The following ESRRG variants were observed in gnomAD, a reference collection of about 807,000 sequenced individuals.
The protein encoded by ESRRG is estrogen-related receptor gamma.
Under a neutral mutation model 44.0 loss-of-function variants are expected in ESRRG, and 13 were observed. The observed-to-expected ratio is 0.30, with a 90% CI of 0.19 to 0.47. The LOEUF (loss-of-function observed/expected upper bound fraction) is 0.47, where lower values mean the gene tolerates loss of function less well. Among genes scored for constraint, ESRRG ranks in the 20% least tolerant of loss-of-function variants. The pLI is 1.00. For missense variants in ESRRG, 395 were observed against 580.6 expected (o/e 0.68, Z 3.29); for synonymous variants, 215 against 214.6 (o/e 1.00, Z -0.02).
At chr1:216,603,156 C>A (rs1410279892) in intron 3 of ESRRG, among the ~76,000 whole-genome samples, 1 of 152,120 alleles carries the variant, frequency 6.6e-6, no homozygotes, top group Non-Finnish European at 1.5e-5. Context: ...ATTAAAGATG[C>A]TGAAATGACA....
intron 2 of ESRRG, among the ~76,000 whole-genome samples, chr1:216,939,364 A>AAAAAAAAAAAAAAAAAAAAAAAAAAAAAC (rs1553720877): frequency 7.5e-6 from 1 of 133,730 alleles, no homozygotes; most frequent in African/African-American, 3.1e-5. Flanking sequence ...AAAAAAAAAA[A>AAAAAAAAAAAAAAAAAAAAAAAAAAAAAC]AAAAAACACT....
rs11572408 is a variant in ESRRG at position 217,055,957 on chromosome 1, C to T, written c.-106+33550G>A. On this transcript the variant is annotated intron_variant, in intron 1 of 7. Coordinates refer to the ESRRG transcript ENST00000359162. ...AGATCCTAGGCTCACCAAACTGTAT[C>T]TCCTTTTCTCCTTGGGTACACAGCT... Among the ~76,000 whole-genome samples, 575 of 152,258 alleles carry T rather than the reference C, an allele frequency of 3.8e-3. 2 individuals carry two copies. Among genetic ancestry groups the T allele is most frequent in the Non-Finnish European group, 5.8e-3 (394 of 68,020 alleles).
At chr1:216,560,834 C>T (rs374517473) in intron 5 of ESRRG, among the ~76,000 whole-genome samples, 6 of 152,066 alleles carry the variant, frequency 3.9e-5, no homozygotes, top group African/African-American at 9.6e-5. Context: ...TATCCGAGCG[C>T]GGACGAAATT....
intron 2 of ESRRG, among the ~76,000 whole-genome samples, chr1:216,797,883 A>T (rs989235628): frequency 6.6e-6 from 1 of 152,084 alleles, no homozygotes; most frequent in Non-Finnish European, 1.5e-5. Flanking sequence ...TATAGCTCAC[A>T]CTTAGGGACT....
chr1:216,841,257 A>G (rs559201754), intron 2 of ESRRG, among the ~76,000 whole-genome samples: 1 of 152,074 alleles, frequency 6.6e-6, no homozygotes, highest in South Asian at 2.1e-4. Flanking sequence ...AGAGAGAAAC[A>G]CGCACACTCA....
chr1:216,559,160 G>A (rs556967679), intron 5 of ESRRG, among the ~76,000 whole-genome samples: 3 of 151,934 alleles, frequency 2.0e-5, no homozygotes, highest in Non-Finnish European at 2.9e-5. Context: ...GTGATCCACC[G>A]CACCCATTCC....
chr1:216,751,774 A>C (rs2092032656), intron 2 of ESRRG, among the ~76,000 whole-genome samples: 1 of 152,142 alleles, frequency 6.6e-6, no homozygotes, highest in African/African-American at 2.4e-5. Flanking sequence ...ATTGGTGATA[A>C]CCTTTCTTGT....
At chr1:216,715,548 T>G (rs1366514676) in intron 1 of ESRRG, among the ~76,000 whole-genome samples, 4 of 152,262 alleles carry the variant, frequency 2.6e-5, no homozygotes, top group South Asian at 2.1e-4. Context: ...CTAGGATAAT[T>G]TGGAATTATG....
chr1:216,806,706 T>C (rs1350221281), intron 2 of ESRRG, among the ~76,000 whole-genome samples: 1 of 152,128 alleles, frequency 6.6e-6, no homozygotes, highest in African/African-American at 2.4e-5. Flanking sequence ...AACTCGAATG[T>C]AAGAAATACT....
At chr1:216,812,039 C>T (rs1048327015) in intron 2 of ESRRG, among the ~76,000 whole-genome samples, 1 of 152,140 alleles carries the variant, frequency 6.6e-6, no homozygotes, top group African/African-American at 2.4e-5. Context: ...AGAGGTAATA[C>T]TGTTTATCCA....
At chr1:217,059,934 G>T (rs2087980223) in intron 1 of ESRRG, among the ~76,000 whole-genome samples, 1 of 151,978 alleles carries the variant, frequency 6.6e-6, no homozygotes, top group Admixed American at 6.6e-5. Flanking sequence ...GAGTGTTTGA[G>T]GATGCACACT....
At chr1:216,541,317 A>C (rs868098661) in intron 5 of ESRRG, among the ~76,000 whole-genome samples, 1 of 152,082 alleles carries the variant, frequency 6.6e-6, no homozygotes, top group Non-Finnish European at 1.5e-5. Flanking sequence ...AAAAGAGATC[A>C]TATCAATTTG....
chr1:217,119,006 G>GATAT (rs200773292), intron 1 of ESRRG, among the ~76,000 whole-genome samples: 283 of 21,034 alleles, frequency 0.013, 2 homozygotes, highest in African/African-American at 0.031. Flanking sequence ...AAACTAGATG[G>GATAT]ATAGATAGAT....
intron 3 of ESRRG, among the ~76,000 whole-genome samples, chr1:216,625,133 C>A (rs2150553706): frequency 6.6e-6 from 1 of 152,190 alleles, no homozygotes; most frequent in Non-Finnish European, 1.5e-5. Context: ...CCTCTTTTAG[C>A]CCAATTATGA....
intron 3 of ESRRG, among the ~76,000 whole-genome samples, chr1:216,627,099 A>G (rs925295844): frequency 2.8e-4 from 43 of 152,326 alleles, no homozygotes; most frequent in African/African-American, 1.0e-3. Flanking sequence ...ACTGGAAGAA[A>G]TGTTACATAT....
chr1:216,511,671 G>A (rs949231127), intron 6 of ESRRG, among the ~76,000 whole-genome samples: 3 of 152,140 alleles, frequency 2.0e-5, no homozygotes, highest in Non-Finnish European at 2.9e-5. Context: ...AAGGCACCTT[G>A]AGTGCCCAGG....
intron 5 of ESRRG, among the ~76,000 whole-genome samples, chr1:216,547,561 C>T (rs2054936000): frequency 1.3e-5 from 2 of 152,026 alleles, no homozygotes; most frequent in South Asian, 2.1e-4. Flanking sequence ...CTGACATCAC[C>T]CTGTCAATGG....
upstream of ESRRG, among the ~76,000 whole-genome samples, chr1:217,090,747 G>A (rs375838503): frequency 2.0e-5 from 3 of 152,184 alleles, no homozygotes; most frequent in African/African-American, 7.2e-5. Context: ...CCCACCAGGG[G>A]AGTCTGGAAG....
chr1:216,521,516 G>C (rs2046075854), intron 5 of ESRRG, among the ~76,000 whole-genome samples: 1 of 152,006 alleles, frequency 6.6e-6, no homozygotes, highest in African/African-American at 2.4e-5. Context: ...ATTTGCCTTA[G>C]TTTTCTTGTT....
Sources: gnomAD v4.1 joint callset for allele counts (sites outside exome capture counted in the v4.1 genomes callset) on GRCh38, gnomAD v4.1.1 for gene constraint, MANE v1.5 for transcripts, NCBI Gene and HGNC (gene_info 2026-07-23, HGNC 2026-07-21) for gene names.